The following ZNF318 variants were observed in gnomAD, a reference collection of about 807,000 sequenced individuals.
ZNF318 encodes the protein endocrine regulator.
ZNF318 carries 51 observed loss-of-function variants against 124.2 expected under a neutral mutation model. That is an observed-to-expected ratio of 0.41 (90% CI 0.33 to 0.52). The LOEUF is 0.52. ZNF318 is among the 20% of genes least tolerant of loss of function. The pLI, the probability that ZNF318 is intolerant of heterozygous loss-of-function variation, is 0.23. For synonymous variants in ZNF318, 1,090 were observed against 1,040.7 expected (o/e 1.05, Z -0.91); for missense variants, 2,815 against 2,811.2 (o/e 1.00, Z -0.03).
chr6:43,354,882 G>A lies in ZNF318; in HGVS notation c.2452C>T (p.Pro818Ser), dbSNP rs772532803. The change falls in exon 4 of 10, where the codon CCA (proline) becomes TCA (serine). Residue 818 changes from proline (P) to serine (S), a missense_variant. Transcript: ENST00000361428. Reference protein sequence around the residue: ...SQPSNHPVPEPHRIMPITKQA... With the variant: ...SQPSNHPVPESHRIMPITKQA... Reference sequence around the variant, plus strand: ...TTGGTTATTGGCATTATCCTGTGTGGTTCAGGTACAGGGTGGTTTGACGGT... The same window carrying A: ...TTGGTTATTGGCATTATCCTGTGTGATTCAGGTACAGGGTGGTTTGACGGT... 2 of 1,614,094 alleles carry A rather than the reference G, an allele frequency of 1.2e-6. No individual in the cohort carries two copies. Among genetic ancestry groups the A allele is most frequent in the South Asian group, 2.2e-5 (2 of 91,080 alleles).
intron 2 of ZNF318, chr6:43,363,559 C>T (rs1779715740): frequency 3.5e-6 from 1 of 288,430 alleles, no homozygotes; most frequent in Non-Finnish European, 6.4e-6. Flanking sequence ...GGGCTGAGGC[C>T]ACGGAGCTCG....
chr6:43,338,873 T>G lies in ZNF318; in HGVS notation c.5125A>C (p.Ser1709Arg). The G allele has an allele frequency of 1.2e-6, 2 of 1,614,114 alleles. No homozygotes were observed. Among genetic ancestry groups the G allele is most frequent in the Non-Finnish European group, 1.7e-6 (2 of 1,180,026 alleles). Residue 1709 changes from serine (S) to arginine (R), a missense_variant, in exon 10 of 10, where the codon AGT (serine) becomes CGT (arginine). Transcript: ENST00000361428. ...WTSSSFQSDT[S>R]RDISPEKSEL... ...CTCTTCTCTGGAGATATATCCCTAC[T>G]AGTGTCACTCTGGAAGGAACTAGAG... is the stretch of plus-strand genomic sequence containing the variant.
chr6:43,365,924 C>T (rs139328823), intron 1 of ZNF318, among the ~76,000 whole-genome samples: 14 of 152,252 alleles, frequency 9.2e-5, no homozygotes, highest in East Asian at 5.8e-4. Flanking sequence ...CTCTCCTAAA[C>T]GGTGACCTCT....
chr6:43,357,072 C>A (rs993063567), intron 3 of ZNF318, 54 bp downstream of exon 3: 15 of 1,540,582 alleles, frequency 9.7e-6, no homozygotes, highest in Non-Finnish European at 1.3e-5. Context: ...AGTAAGCAGG[C>A]TTTAAGATAT....
In ZNF318 at chr6:43,353,926, C is replaced by T. The variant is rs536932467; in HGVS notation, c.2670+738G>A. Among the ~76,000 whole-genome samples, 3 of 152,190 alleles carry T rather than the reference C, an allele frequency of 2.0e-5. No individual in the cohort carries two copies. The South Asian group carries it at 6.2e-4, about 32-fold the overall frequency. ...TCCCACAGGCTGGGGACCCAATGAA[C>T]CTGGATAATATAAAAAATGACTTTA... On this transcript the variant is annotated intron_variant, in intron 4 of 9. Coordinates refer to ENST00000361428, the MANE Select transcript of ZNF318 (RefSeq NM_014345.3).
Position 43,342,284 on chromosome 6 carries a change from C to G in ZNF318, c.3277-73G>C. 1.7e-5 allele frequency: 21 copies of G among 1,272,204 alleles called. No homozygotes were observed. In the South Asian group the frequency reaches 2.6e-4, roughly 16 times the overall value. 78.8% of individuals were successfully genotyped at this position (1,272,204 alleles called of 1,614,324 possible). A position where few individuals can be genotyped will look rare whatever the true frequency, so the allele number is the denominator to read the frequency against. On this transcript the variant is annotated intron_variant, in intron 7 of 9. Coordinates refer to ENST00000361428, the MANE Select transcript of ZNF318 (RefSeq NM_014345.3). Reference sequence around the variant, plus strand: ...ATGACCCACTTTTCTCTTTTTTTTCCCCCATAATAAGACCAGGGGACCAGA... The same window carrying G: ...ATGACCCACTTTTCTCTTTTTTTTCGCCCATAATAAGACCAGGGGACCAGA...
Position 43,337,778 on chromosome 6 carries a change from C to CT in ZNF318, c.6219dup (p.Asp2074ArgfsTer9), listed in dbSNP as rs753672214. The CT allele has an allele frequency of 6.2e-7, 1 of 1,614,186 alleles. No individual in the cohort carries two copies. Among genetic ancestry groups the CT allele is most frequent in the Non-Finnish European group, 8.5e-7 (1 of 1,180,028 alleles). On this transcript the variant is annotated frameshift_variant, in exon 10 of 10. Coordinates refer to ENST00000361428, the MANE Select transcript of ZNF318 (RefSeq NM_014345.3). LOFTEE classifies it high-confidence loss of function. ...TCAAGCACCAAGGTTTTGGGAGAAT[C>CT]TAACGGAAACCCAGAAAAAGATGGG...
intron 6 of ZNF318, among the ~76,000 whole-genome samples, chr6:43,345,137 C>A (rs371928877): frequency 2.0e-5 from 3 of 150,932 alleles, no homozygotes; most frequent in African/African-American, 7.3e-5. Context: ...GTCCCAGCTA[C>A]TGGGGAGCCT....
In ZNF318 at chr6:43,368,991, G is replaced by A; in HGVS notation, c.375C>T (p.Asp125=). ...RADYARDGRG[D]HPGDSGSRRR... ...CCCGGCTGCCGCTGTCGCCTGGATG[G>A]TCTCCGCGGCCGTCCCGGGCATAGT... The change falls in exon 1 of 10, where the codon GAC becomes GAT. Residue 125 remains aspartate, a synonymous_variant. Coordinates refer to ENST00000361428, the MANE Select transcript of ZNF318 (RefSeq NM_014345.3). 1 of 1,434,686 alleles carries A rather than the reference G, an allele frequency of 7.0e-7. No homozygotes were observed. 88.9% of individuals were successfully genotyped at this position (1,434,686 alleles called of 1,614,324 possible). A position where few individuals can be genotyped will look rare whatever the true frequency, so the allele number is the denominator to read the frequency against.
intron 8 of ZNF318, among the ~76,000 whole-genome samples, chr6:43,341,496 C>CA (rs1779373016): frequency 6.6e-6 from 1 of 151,738 alleles, no homozygotes; most frequent in African/African-American, 2.4e-5. Flanking sequence ...ACTAAAAATA[C>CA]AAAAAATACA....
At chr6:43,359,835 C>T (rs1581650038) in intron 2 of ZNF318, among the ~76,000 whole-genome samples, 2 of 152,074 alleles carry the variant, frequency 1.3e-5, no homozygotes, top group Non-Finnish European at 2.9e-5. Context: ...CACCTTCTTC[C>T]TAAGAATTTG....
chr6:43,352,174 T>TCACCACCAC (rs1562132252), intron 5 of ZNF318, among the ~76,000 whole-genome samples: 14 of 151,698 alleles, frequency 9.2e-5, no homozygotes, highest in South Asian at 6.3e-4. Flanking sequence ...ATCATCATCA[T>TCACCACCAC]CATCATCATC....
chr6:43,350,187 T>G (rs1218569428), intron 5 of ZNF318, among the ~76,000 whole-genome samples: 1 of 151,930 alleles, frequency 6.6e-6, no homozygotes, highest in Non-Finnish European at 1.5e-5. Context: ...AAGGTGGAGG[T>G]TGCAGTGAGC....
intron 1 of ZNF318, among the ~76,000 whole-genome samples, chr6:43,366,419 C>T (rs1430348335): frequency 1.3e-5 from 2 of 152,152 alleles, no homozygotes; most frequent in Admixed American, 6.6e-5. Context: ...CCTCCAGATG[C>T]TTGCACAGCA....
intron 2 of ZNF318, among the ~76,000 whole-genome samples, chr6:43,361,311 T>C (rs1330034469): frequency 1.3e-5 from 2 of 152,202 alleles, no homozygotes; most frequent in Non-Finnish European, 2.9e-5. Context: ...ACACCTGTAA[T>C]CTTAGCACTT....
At chr6:43,364,332 A>T in intron 2 of ZNF318, 34 of 17,468 alleles carry the variant, frequency 1.9e-3, no homozygotes, top group Non-Finnish European at 4.3e-3. Flanking sequence ...ATTAAGCCTG[A>T]AAAAAAAAAA....
rs147935164 is a variant in ZNF318, at chr6:43,337,572, A to G, written c.6426T>C (p.Ser2142=). The change falls in exon 10 of 10, where the codon TCT becomes TCC. Residue 2142 remains serine, a synonymous_variant. Coordinates refer to ENST00000361428, the MANE Select transcript of ZNF318 (RefSeq NM_014345.3). Reference sequence around the variant, plus strand: ...GTGACTCTTGTTTGTCTAATTGGGAAGATTCTTTTACTTCCTCAGGCATCA... The same window carrying G: ...GTGACTCTTGTTTGTCTAATTGGGAGGATTCTTTTACTTCCTCAGGCATCA... The part of the protein sequence containing the change: ...GGMMPEEVKE[S]SQLDKQESLG... 15 of 1,614,000 alleles carry G rather than the reference A, an allele frequency of 9.3e-6. No homozygotes were observed. Among genetic ancestry groups the G allele is most frequent in the African/African-American group, 5.3e-5 (4 of 74,922 alleles).
In ZNF318 at chr6:43,339,075, G is replaced by A; in HGVS notation, c.4923C>T (p.Asn1641=). 2.5e-6 allele frequency: 4 copies of A among 1,614,192 alleles called. No homozygotes were observed. Among genetic ancestry groups the A allele is most frequent in the Non-Finnish European group, 3.4e-6 (4 of 1,180,042 alleles). The part of the protein sequence containing the change: ...EGLVAAPIVS[N]SEKPIAKTLV... The stretch of plus-strand genomic sequence containing the variant: ...GAGTTTTTGCAATGGGCTTTTCAGA[G>A]TTGCTAACTATAGGAGCAGCGACCA... Residue 1641 remains asparagine, a synonymous_variant, in exon 10 of 10, where the codon AAC becomes AAT. Coordinates refer to ENST00000361428, the MANE Select transcript of ZNF318 (RefSeq NM_014345.3). This position sits in a 1 kb window ranked among gnomAD's most constrained non-coding sequence, Gnocchi z 4.2.
At chr6:43,353,619 C>T (rs1164013141) in intron 4 of ZNF318, among the ~76,000 whole-genome samples, 1 of 152,290 alleles carries the variant, frequency 6.6e-6, no homozygotes, top group Admixed American at 6.5e-5. Context: ...CGTGATCCAC[C>T]CGCCTCAGCC....
Sources: allele counts gnomAD v4.1 joint callset (sites outside exome capture counted in the v4.1 genomes callset), GRCh38; gene constraint gnomAD v4.1.1; non-coding constraint Gnocchi (gnomAD v3.1); transcripts MANE v1.5; gene names NCBI Gene and HGNC (gene_info 2026-07-23, HGNC 2026-07-21).